MCF2L: variants seen among roughly 807,000 people sequenced by gnomAD.
MCF2L encodes MCF.2 cell line derived transforming sequence like, also known as guanine nucleotide exchange factor DBS.
MCF2L carries 97 observed loss-of-function variants against 153.4 expected under a neutral mutation model. The ratio of observed to expected loss-of-function variants is 0.63; its 90% CI spans 0.54 to 0.75. The LOEUF is 0.75. Ranked by LOEUF, MCF2L falls within the 30% of genes least tolerant of loss-of-function variation. The pLI, the probability that MCF2L is intolerant of heterozygous loss-of-function variation, is 0.00. For synonymous variants in MCF2L, 659 were observed against 632.2 expected (o/e 1.04, Z -0.64); for missense variants, 1,347 against 1,495.2 (o/e 0.90, Z 1.64).
At chr13:112,958,412 A>G (rs2081784061) in intron 2 of MCF2L, among the ~76,000 whole-genome samples, 1 of 152,236 alleles carries the variant, frequency 6.6e-6, no homozygotes, top group Non-Finnish European at 1.5e-5. Flanking sequence ...AATGAGGCCC[A>G]GCCCACTGTG....
chr13:113,064,325 C>T lies in MCF2L; in HGVS notation c.511C>T (p.Pro171Ser), dbSNP rs1315190759. 6.2e-7 allele frequency: 1 copy of T among 1,612,840 alleles called. No homozygotes were observed. Among genetic ancestry groups the T allele is most frequent in the South Asian group, 1.1e-5 (1 of 91,084 alleles). ...CCAGGTCATAATGCTGAGCTCCGTA[C>T]CAGACTTACACGGTTACATCGATAA... ...KVPVIMLSSV[P>S]DLHGYIDKSQ... Residue 171 changes from proline to serine, a missense_variant, in exon 6 of 30, where the codon CCA (proline) becomes TCA (serine). Pro to Ser is a moderately conservative substitution (Grantham distance 74). Transcript: ENST00000535094. This position sits in a 1 kb window ranked among gnomAD's most constrained non-coding sequence, Gnocchi z 6.0.
At chr13:113,090,631 T>C (rs1053684623) in intron 26 of MCF2L, 1 of 985,398 alleles carries the variant, frequency 1.0e-6, no homozygotes. Flanking sequence ...GAGAGCTCCA[T>C]GATGGGAAAT....
intron 2 of MCF2L, among the ~76,000 whole-genome samples, chr13:112,916,508 T>A (rs903601445): frequency 2.6e-5 from 4 of 152,060 alleles, no homozygotes; most frequent in Non-Finnish European, 5.9e-5. Flanking sequence ...ACCTGTGAGG[T>A]CCTCTCCCTT....
At chr13:112,946,863 A>G (rs2081642263) in intron 2 of MCF2L, among the ~76,000 whole-genome samples, 2 of 152,174 alleles carry the variant, frequency 1.3e-5, no homozygotes, top group African/African-American at 4.8e-5. Flanking sequence ...CCTGGACTCA[A>G]TGTAGGAAGC....
chr13:113,094,968 G>A lies in MCF2L; in HGVS notation c.3075+333G>A, dbSNP rs762539929. On this transcript the variant is annotated intron_variant, in intron 27 of 29. Transcript: ENST00000535094. ...CTTTGTGTTTCTGGGTTAATTTCCA[G>A]GTGCCCACCCAGCCTCCTGTAGAGC... The A allele has an allele frequency of 9.4e-6, 13 of 1,383,710 alleles. No homozygotes were observed. In the South Asian group the frequency reaches 1.5e-4, roughly 16 times the overall value. 85.7% of individuals were successfully genotyped at this position (1,383,710 alleles called of 1,614,324 possible). A position where few individuals can be genotyped will look rare whatever the true frequency, so the allele number is the denominator to read the frequency against.
chr13:113,005,578 G>A (rs1037938240), intron 1 of MCF2L, among the ~76,000 whole-genome samples: 2 of 152,050 alleles, frequency 1.3e-5, no homozygotes, highest in South Asian at 2.1e-4. Flanking sequence ...TGTGGTGGCC[G>A]TGGTCTGTTT....
Position 113,078,714 on chromosome 13 carries a change from G to T in MCF2L, c.1783G>T (p.Glu595Ter), listed in dbSNP as rs775811522. 2 of 1,608,314 alleles carry T rather than the reference G, an allele frequency of 1.2e-6. No homozygotes were observed. Residue 595 changes from glutamate (E) to a stop codon, truncating the protein, a stop_gained, in exon 15 of 30, where the codon GAG becomes TAG. Transcript: ENST00000535094. LOFTEE classifies it high-confidence loss of function. ...RQGRGSAGEE[E>*]ESLAILRRHV... ...GGGCCGCGGCTCAGCGGGGGAGGAG[G>T]AGGAAAGCCTGGCCATCCTGCGCAG... is the stretch of plus-strand genomic sequence containing the variant.
chr13:113,064,950 C>T lies in MCF2L; in HGVS notation c.621C>T (p.Phe207=), dbSNP rs199810332. 1.4e-4 allele frequency: 224 copies of T among 1,612,814 alleles called. No individual in the cohort carries two copies. The East Asian group carries it at 3.5e-3, about 25-fold the overall frequency. The change falls in exon 7 of 30, where the codon TTC becomes TTT. Residue 207 remains phenylalanine (F), a synonymous_variant. Transcript: ENST00000535094. This position sits in a 1 kb window ranked among gnomAD's most constrained non-coding sequence, Gnocchi z 6.0. Reference sequence around the variant, plus strand: ...CTGTCCCCAAGGCCATCGAAAGTTTCGCCCTCATGGTGAAGCAGACGGCTC... The same window carrying T: ...CTGTCCCCAAGGCCATCGAAAGTTTTGCCCTCATGGTGAAGCAGACGGCTC... ...WLCQRTAIES[F]ALMVKQTAQM... is the part of the protein sequence containing the mutation.
At chr13:113,060,951 A>G (rs58460598) in intron 5 of MCF2L, among the ~76,000 whole-genome samples, 68,286 of 146,986 alleles carry the variant, frequency 0.46, 15,703 homozygotes, top group African/African-American at 0.52. Flanking sequence ...CATCAACCTC[A>G]GAGAGGCCAC....
intron 2 of MCF2L, among the ~76,000 whole-genome samples, chr13:112,906,523 C>T (rs2081174531): frequency 6.6e-6 from 1 of 152,320 alleles, no homozygotes; most frequent in South Asian, 2.1e-4. Flanking sequence ...CCATGGGGTG[C>T]GTGTGGAGCT....
At chr13:112,899,187 G>A (rs561780150) in intron 1 of MCF2L, among the ~76,000 whole-genome samples, 31 of 152,342 alleles carry the variant, frequency 2.0e-4, no homozygotes, top group African/African-American at 6.0e-4. Flanking sequence ...AGTTCTAGCC[G>A]CCTGTGACCG....
intron 2 of MCF2L, among the ~76,000 whole-genome samples, chr13:112,945,220 G>A (rs1451677833): frequency 6.6e-6 from 1 of 152,114 alleles, no homozygotes; most frequent in Non-Finnish European, 1.5e-5. Flanking sequence ...TATTCTGCAT[G>A]ATCCATGACA....
Position 113,075,079 on chromosome 13 carries a change from C to A in MCF2L, c.1198C>A (p.Arg400Ser), listed in dbSNP as rs557301290. The A allele has an allele frequency of 6.8e-6, 11 of 1,613,744 alleles. No individual in the cohort carries two copies. Among genetic ancestry groups the A allele is most frequent in the Non-Finnish European group, 9.3e-6 (11 of 1,180,022 alleles). The change falls in exon 11 of 30, where the codon CGC (arginine) becomes AGC (serine). Residue 400 changes from arginine to serine, a missense_variant. By Grantham distance (110) the Arg-to-Ser change is moderately radical. Around this residue, in one of 3 missense-constraint regions of MCF2L, gnomAD observed 820 missense variants for 921.2 expected, o/e 0.89. Transcript: ENST00000535094. ...GNKHYAVDSI[R>S]PKCQELRHLC... ...CAAGCACTACGCGGTAGACTCCATC[C>A]GCCCAAAGTGCCAGGAGCTCCGGCA... is the stretch of plus-strand genomic sequence containing the variant.
chr13:113,036,777 A>G (rs897158009), intron 3 of MCF2L, among the ~76,000 whole-genome samples: 1 of 151,832 alleles, frequency 6.6e-6, no homozygotes, highest in African/African-American at 2.4e-5. Flanking sequence ...TGGCCCCCCA[A>G]CTCCTCCACC....
At chr13:112,915,792 A>G (rs1376479281) in intron 2 of MCF2L, among the ~76,000 whole-genome samples, 1 of 152,068 alleles carries the variant, frequency 6.6e-6, no homozygotes, top group Non-Finnish European at 1.5e-5. Context: ...AGTAGTAGTG[A>G]TGTTCAGGTT....
chr13:113,074,914 C>T lies in MCF2L; in HGVS notation c.1117-84C>T, dbSNP rs74115784. The T allele has an allele frequency of 6.1e-3, 7,618 of 1,246,598 alleles. 360 individuals are homozygous for T. The African/African-American group carries it at 0.094, about 15-fold the overall frequency. 77.2% of individuals were successfully genotyped at this position (1,246,598 alleles called of 1,614,324 possible). A position where few individuals can be genotyped will look rare whatever the true frequency, so the allele number is the denominator to read the frequency against. On this transcript the variant is annotated intron_variant, in intron 10 of 29. Coordinates refer to ENST00000535094, the MANE Select transcript of MCF2L (RefSeq NM_001112732.3). This position sits in a 1 kb window ranked among gnomAD's most constrained non-coding sequence, Gnocchi z 4.2. Reference sequence around the variant, plus strand: ...AAGAAATCAAGACACACGTGTGCCCCGGGACACACATCCCGTACAGCAAGG... The same window carrying T: ...AAGAAATCAAGACACACGTGTGCCCTGGGACACACATCCCGTACAGCAAGG...
intron 25 of MCF2L, 34 bp from the exon 26 acceptor site, chr13:113,089,576 A>G (rs780463784): frequency 1.4e-5 from 21 of 1,449,078 alleles, no homozygotes; most frequent in Middle Eastern, 1.7e-4. Flanking sequence ...CAGGCAACAC[A>G]CTATTTCCTT....
chr13:113,075,971 GA>G lies in MCF2L; in HGVS notation c.1316del (p.Lys439SerfsTer86). The G allele has an allele frequency of 6.2e-7, 1 of 1,606,078 alleles. No homozygotes were observed. On this transcript the variant is annotated frameshift_variant, in exon 12 of 30. Transcript: ENST00000535094. LOFTEE classifies it high-confidence loss of function. ...ELHRRLETSM[K>X]WCDEGIYLLA... ...GCAATGCTCTGTGTTTCCAGTCCAT[GA>G]AGTGGTGTGATGAAGGGATTTACCT...
chr13:113,013,281 G>A (rs943801802), intron 1 of MCF2L, among the ~76,000 whole-genome samples: 2 of 152,218 alleles, frequency 1.3e-5, no homozygotes, highest in South Asian at 2.1e-4. Flanking sequence ...TCGCCGAGAC[G>A]TGGTTGCGTA....
Sources: gnomAD v4.1 joint callset for allele counts (sites outside exome capture counted in the v4.1 genomes callset) on GRCh38, gnomAD v4.1.1 for gene constraint, gnomAD v4.1.1 regional missense constraint, Gnocchi (gnomAD v3.1) non-coding constraint, MANE v1.5 for transcripts, NCBI Gene and HGNC (gene_info 2026-07-23, HGNC 2026-07-21) for gene names.